DYNC2H1: variants seen among roughly 807,000 people sequenced by gnomAD.
The protein encoded by DYNC2H1 is cytoplasmic dynein 2 heavy chain 1.
DYNC2H1 carries 410 observed loss-of-function variants against 570.0 expected under a neutral mutation model. That is an observed-to-expected ratio of 0.72 (90% CI 0.66 to 0.78). The LOEUF (loss-of-function observed/expected upper bound fraction) is 0.78. DYNC2H1 is among the 30% of genes least tolerant of loss of function. The probability of loss-of-function intolerance (pLI) is 0.00; values close to 1 mark genes in which losing one functional copy is unlikely to be tolerated. For synonymous variants in DYNC2H1, 1,688 were observed against 1,677.6 expected (o/e 1.01, Z -0.15); for missense variants, 4,865 against 5,046.4 (o/e 0.96, Z 1.09).
rs1222292013 is a variant in DYNC2H1, at chr11:103,261,376, C to T, written c.10695+1399C>T. On this transcript the variant is annotated intron_variant, in intron 70 of 88. Coordinates refer to ENST00000375735, the MANE Select transcript of DYNC2H1 (RefSeq NM_001377.3). The surrounding 1 kb of genome is among the most constrained non-coding windows in gnomAD (Gnocchi z 4.8). ...GGACAGATTGCCTTCTCAAGTGGGT[C>T]CCTGACCCCTGTGCCTCCTGACTGG... is the stretch of plus-strand genomic sequence containing the variant. 1.3e-5 allele frequency among the ~76,000 whole-genome samples: 2 copies of T among 152,194 alleles called. No individual in the cohort carries two copies. Among genetic ancestry groups the T allele is most frequent in the Non-Finnish European group, 2.9e-5 (2 of 68,032 alleles).
Position 103,117,751 on chromosome 11 carries a change from T to A in DYNC2H1, c.887T>A (p.Ile296Lys). 1 of 1,613,550 alleles carries A rather than the reference T, an allele frequency of 6.2e-7. No homozygotes were observed. The highest frequency in any genetic ancestry group is 8.5e-7 in the Non-Finnish European group (1 of 1,179,578). Residue 296 changes from isoleucine to lysine, a missense_variant, in exon 6 of 89, where the codon ATA (isoleucine) becomes AAA (lysine). Around this residue, in one of 5 missense-constraint regions of DYNC2H1, gnomAD observed 1,936 missense variants for 1,962.1 expected, o/e 0.99. Coordinates refer to ENST00000375735, the MANE Select transcript of DYNC2H1 (RefSeq NM_001377.3). ...AGISICEQWV[I>K]VCNHLTGQVW... ...ATTTCAATTTGTGAACAGTGGGTGATAGTCTGTAATCATCTAACAGGTCAG... is the reference window on the plus strand; with the variant it reads ...ATTTCAATTTGTGAACAGTGGGTGAAAGTCTGTAATCATCTAACAGGTCAG...
Position 103,386,811 on chromosome 11 carries a change from C to G in DYNC2H1, c.12157-12852C>G, listed in dbSNP as rs868503919. 7.2e-5 allele frequency among the ~76,000 whole-genome samples: 11 copies of G among 152,242 alleles called. No homozygotes were observed. In the South Asian group the frequency reaches 8.3e-4, roughly 11 times the overall value. Reference sequence around the variant, plus strand: ...TGATGGTTTCCAGCTTCATCCATGTCCCTACAAAGGACATGAACTCATCAT... The same window carrying G: ...TGATGGTTTCCAGCTTCATCCATGTGCCTACAAAGGACATGAACTCATCAT... On this transcript the variant is annotated intron_variant, in intron 83 of 88. Transcript: ENST00000375735.
chr11:103,131,861 ATCTTTG>A (rs1254681576), intron 13 of DYNC2H1, among the ~76,000 whole-genome samples: 1 of 152,130 alleles, frequency 6.6e-6, no homozygotes. Flanking sequence ...ATTTCAAAGA[ATCTTTG>A]TCTTTAGTTT....
At position 103,154,497 on chromosome 11, in the gene DYNC2H1, G is replaced by A. The variant is rs747681243; in HGVS notation, c.3349G>A (p.Ala1117Thr). The A allele has an allele frequency of 6.4e-7, 1 of 1,562,802 alleles. No homozygotes were observed. The highest frequency in any genetic ancestry group is 1.4e-5 in the African/African-American group (1 of 73,562). The change falls in exon 23 of 89, where the codon GCA (alanine) becomes ACA (threonine). Residue 1117 changes from alanine to threonine, a missense_variant. Physicochemically the swap from Ala to Thr is moderately conservative, Grantham distance 58. Coordinates refer to ENST00000375735, the MANE Select transcript of DYNC2H1 (RefSeq NM_001377.3). Reference sequence around the variant, plus strand: ...ACTGGAAGAGCCTAATTTCTCCCTGGCAAGTAGTATCTCTAAAGATATCGA... The same window carrying A: ...ACTGGAAGAGCCTAATTTCTCCCTGACAAGTAGTATCTCTAAAGATATCGA... ...FRLEEPNFSL[A>T]SSISKDIESC... is the part of the protein sequence containing the mutation.
Position 103,311,999 on chromosome 11 carries a change from C to A in DYNC2H1, c.11615C>A (p.Ala3872Asp). ...HALFSLAWFH[A>D]ACQERRNYIP... The stretch of plus-strand genomic sequence containing the variant: ...CTCTTCAGTCTTGCATGGTTTCATG[C>A]TGCATGTCAAGAAAGAAGAAACTAT... The change falls in exon 79 of 89, where the codon GCT becomes GAT. Residue 3872 changes from alanine (A) to aspartate (D), a missense_variant. Coordinates refer to ENST00000375735, the MANE Select transcript of DYNC2H1 (RefSeq NM_001377.3). 1 of 1,612,512 alleles carries A rather than the reference C, an allele frequency of 6.2e-7. No homozygotes were observed. Among genetic ancestry groups the A allele is most frequent in the Non-Finnish European group, 8.5e-7 (1 of 1,179,450 alleles).
chr11:103,115,641 T>C (rs1858348585), intron 4 of DYNC2H1, among the ~76,000 whole-genome samples: 1 of 151,892 alleles, frequency 6.6e-6, no homozygotes. Context: ...CTACTAAAAG[T>C]ACAAAAATTA....
chr11:103,300,586 G>A (rs1867007070), intron 75 of DYNC2H1, among the ~76,000 whole-genome samples: 1 of 151,906 alleles, frequency 6.6e-6, no homozygotes, highest in African/African-American at 2.4e-5. Flanking sequence ...TGTCACCTGT[G>A]TTATATTAAA....
Position 103,187,413 on chromosome 11 carries a change from A to G in DYNC2H1, c.6967A>G (p.Thr2323Ala). ...TACAGTTCACTGTAGTGCACAAACC[A>G]CTTCTCGACATCTCCTGCAGAAACT... ...IATVHCSAQTTSRHLLQKLSQ... is the reference protein window; with the variant it reads ...IATVHCSAQTASRHLLQKLSQ... The change falls in exon 43 of 89, where the codon ACT (threonine) becomes GCT (alanine). Residue 2323 changes from threonine to alanine, a missense_variant. Around this residue, in one of 5 missense-constraint regions of DYNC2H1, gnomAD observed 2,401 missense variants for 2,454.6 expected, o/e 0.98. Transcript: ENST00000375735. The G allele has an allele frequency of 1.2e-6, 2 of 1,613,254 alleles. No homozygotes were observed. Among genetic ancestry groups the G allele is most frequent in the Non-Finnish European group, 1.7e-6 (2 of 1,179,450 alleles).
chr11:103,437,865 A>G (rs925433777), intron 85 of DYNC2H1, among the ~76,000 whole-genome samples: 24 of 152,122 alleles, frequency 1.6e-4, no homozygotes, highest in African/African-American at 5.5e-4. Context: ...CTGTGAGTTT[A>G]TAATGATAAA....
intron 84 of DYNC2H1, among the ~76,000 whole-genome samples, chr11:103,430,145 G>A (rs1286503036): frequency 3.9e-5 from 6 of 151,964 alleles, no homozygotes; most frequent in African/African-American, 1.4e-4. Context: ...AATAGAGAAG[G>A]GAGGAAAATT....
intron 69 of DYNC2H1, among the ~76,000 whole-genome samples, chr11:103,259,255 G>A (rs187340353): frequency 6.6e-6 from 1 of 152,182 alleles, no homozygotes; most frequent in Admixed American, 6.5e-5. Flanking sequence ...AAGGGAAAAG[G>A]ACAGGTTGAC....
intron 68 of DYNC2H1, among the ~76,000 whole-genome samples, chr11:103,257,057 T>C (rs985833542): frequency 6.6e-6 from 1 of 152,190 alleles, no homozygotes; most frequent in African/African-American, 2.4e-5. Context: ...AATTCATATG[T>C]GGAAATGTAA....
chr11:103,394,964 C>T (rs1042719675), intron 83 of DYNC2H1, among the ~76,000 whole-genome samples: 8 of 152,016 alleles, frequency 5.3e-5, no homozygotes, highest in African/African-American at 1.9e-4. Context: ...ATGCTGTTTT[C>T]TTTCCTTTTT....
At position 103,185,170 on chromosome 11, in the gene DYNC2H1, T is replaced by C. The variant is rs1862018017; in HGVS notation, c.6633+119T>C. ...GGAACTTTTAAAATTTGAAATTATG[T>C]ATTCAATTGAGTAATAATGTATTTA... On this transcript the variant is annotated intron_variant, in intron 41 of 88. Coordinates refer to ENST00000375735, the MANE Select transcript of DYNC2H1 (RefSeq NM_001377.3). This position sits in a 1 kb window ranked among gnomAD's most constrained non-coding sequence, Gnocchi z 4.5. The C allele has an allele frequency of 1.2e-6, 1 of 824,836 alleles. No homozygotes were observed. Among genetic ancestry groups the C allele is most frequent in the African/African-American group, 1.7e-5 (1 of 57,698 alleles). 51.1% of individuals were successfully genotyped at this position (824,836 alleles called of 1,614,324 possible).
At chr11:103,477,512 C>T (rs1228321912) in intron 88 of DYNC2H1, among the ~76,000 whole-genome samples, 1 of 152,080 alleles carries the variant, frequency 6.6e-6, no homozygotes, top group Non-Finnish European at 1.5e-5. Flanking sequence ...TTTCTAAGCT[C>T]CAGTCACTAA....
rs1179719365 is a variant in DYNC2H1 at position 103,157,339 on chromosome 11, G to A, written c.4127+569G>A. On this transcript the variant is annotated intron_variant, in intron 26 of 88. Coordinates refer to ENST00000375735, the MANE Select transcript of DYNC2H1 (RefSeq NM_001377.3). This position sits in a 1 kb window ranked among gnomAD's most constrained non-coding sequence, Gnocchi z 4.2. ...GAGGTCTCCTCAACTTACATGTACAGCCCATATTTCTCTTCTGAGCTCCAA... is the reference window on the plus strand; with the variant it reads ...GAGGTCTCCTCAACTTACATGTACAACCCATATTTCTCTTCTGAGCTCCAA... Among the ~76,000 whole-genome samples the A allele has an allele frequency of 6.6e-6, 1 of 152,174 alleles. No homozygotes were observed. The highest frequency in any genetic ancestry group is 1.5e-5 in the Non-Finnish European group (1 of 68,022).
At chr11:103,327,336 C>CGTGT (rs372436489) in intron 82 of DYNC2H1, among the ~76,000 whole-genome samples, 1 of 151,766 alleles carries the variant, frequency 6.6e-6, no homozygotes, top group Non-Finnish European at 1.5e-5. Context: ...CAAATACATA[C>CGTGT]GTGTGTGTGT....
At chr11:103,137,586 A>G (rs1433463744) in intron 17 of DYNC2H1, among the ~76,000 whole-genome samples, 1 of 152,116 alleles carries the variant, frequency 6.6e-6, no homozygotes, top group Non-Finnish European at 1.5e-5. Context: ...ATTGATCTAT[A>G]TCTCTGTTTT....
In DYNC2H1 at chr11:103,222,039, A is replaced by G; in HGVS notation, c.9117A>G (p.Ala3039=). 1 of 1,608,530 alleles carries G rather than the reference A, an allele frequency of 6.2e-7. No homozygotes were observed. The change falls in exon 58 of 89, where the codon GCA becomes GCG. Residue 3039 remains alanine, a synonymous_variant. Transcript: ENST00000375735. ...TSWVSMKSFL[A]KRGVREDIAT... ...TATGCTTTAATTTTAGTTTCCTTGC[A>G]AAAAGAGGTGTAAGAGAAGACATAG...
Sources: allele counts gnomAD v4.1 joint callset (sites outside exome capture counted in the v4.1 genomes callset), GRCh38; gene constraint gnomAD v4.1.1; regional missense constraint gnomAD v4.1.1; non-coding constraint Gnocchi (gnomAD v3.1); transcripts MANE v1.5; gene names NCBI Gene and HGNC (gene_info 2026-07-23, HGNC 2026-07-21).